The following FAM193A variants were observed in gnomAD, a reference collection of about 807,000 sequenced individuals.
The protein encoded by FAM193A is family with sequence similarity 193 member A.
In FAM193A, 22 loss-of-function variants were observed where a neutral mutation model predicts 126.5. The observed-to-expected ratio is 0.17, with a 90% CI of 0.12 to 0.25. The LOEUF (loss-of-function observed/expected upper bound fraction) is 0.25, where lower values mean the gene tolerates loss of function less well. FAM193A is among the 10% of genes least tolerant of loss of function. The probability of loss-of-function intolerance (pLI) is 1.00; values close to 1 mark genes in which losing one functional copy is unlikely to be tolerated. For missense variants in FAM193A, 1,675 were observed against 1,672.8 expected (o/e 1.00, Z -0.02); for synonymous variants, 761 against 646.8 (o/e 1.18, Z -2.68).
At chr4:2,552,992 C>T (rs370503036) in intron 1 of FAM193A, among the ~76,000 whole-genome samples, 6 of 151,730 alleles carry the variant, frequency 4.0e-5, no homozygotes, top group South Asian at 2.1e-4. Flanking sequence ...GGATTACAGG[C>T]GCCCGCCACC....
intron 20 of FAM193A, among the ~76,000 whole-genome samples, chr4:2,718,626 C>T (rs569298955): frequency 6.6e-6 from 1 of 152,126 alleles, no homozygotes; most frequent in East Asian, 1.9e-4. Flanking sequence ...ACTCAGGAGG[C>T]TGAGGTGGGA....
intron 2 of FAM193A, among the ~76,000 whole-genome samples, chr4:2,610,009 G>A (rs1741769647): frequency 6.6e-6 from 1 of 151,568 alleles, no homozygotes; most frequent in African/African-American, 2.4e-5. Flanking sequence ...AGGCAGATGG[G>A]TCACCTGAGG....
chr4:2,667,335 G>T (rs1348428339), intron 12 of FAM193A, among the ~76,000 whole-genome samples: 4 of 152,156 alleles, frequency 2.6e-5, no homozygotes, highest in Non-Finnish European at 5.9e-5. Context: ...TATGAATTTT[G>T]GAGGGGCACA....
At chr4:2,650,556 TC>T (rs1422119985) in intron 7 of FAM193A, among the ~76,000 whole-genome samples, 1 of 152,108 alleles carries the variant, frequency 6.6e-6, no homozygotes, top group African/African-American at 2.4e-5. Context: ...AGCTCAGGGC[TC>T]TGAAGCCCAG....
At chr4:2,564,438 A>G (rs1471986038) in intron 1 of FAM193A, among the ~76,000 whole-genome samples, 1 of 152,114 alleles carries the variant, frequency 6.6e-6, no homozygotes, top group Non-Finnish European at 1.5e-5. Flanking sequence ...CTGGGCTTCC[A>G]TGAATGACTT....
At chr4:2,602,385 G>A (rs1050954797) in intron 2 of FAM193A, among the ~76,000 whole-genome samples, 3 of 139,004 alleles carry the variant, frequency 2.2e-5, no homozygotes, top group East Asian at 2.1e-4. Flanking sequence ...ACAGAGTTTC[G>A]CTGTTGTCTC....
chr4:2,579,710 A>C (rs904853352), intron 1 of FAM193A, among the ~76,000 whole-genome samples: 2 of 141,458 alleles, frequency 1.4e-5, no homozygotes, highest in African/African-American at 5.4e-5. Context: ...AAAACAAAAC[A>C]AAAAAAAACA....
chr4:2,628,214 A>G (rs1262571367), intron 4 of FAM193A, among the ~76,000 whole-genome samples: 1 of 152,018 alleles, frequency 6.6e-6, no homozygotes. Context: ...TTTGCTGTGC[A>G]GTAGATTCTT....
chr4:2,666,167 TCTA>T (rs1269784703), intron 12 of FAM193A, among the ~76,000 whole-genome samples: 1 of 152,252 alleles, frequency 6.6e-6, no homozygotes, highest in African/African-American at 2.4e-5. Context: ...GAAATTCTAT[TCTA>T]CTCCTAATTT....
intron 1 of FAM193A, among the ~76,000 whole-genome samples, chr4:2,569,101 C>T (rs990034791): frequency 5.3e-5 from 8 of 150,116 alleles, no homozygotes; most frequent in African/African-American, 1.7e-4. Flanking sequence ...TCCTGAGTAA[C>T]TGGGACTACA....
At chr4:2,715,489 T>G (rs932168193) in intron 19 of FAM193A, 1 of 986,426 alleles carries the variant, frequency 1.0e-6, no homozygotes, top group Non-Finnish European at 1.2e-6. Flanking sequence ...CTGGATGTCA[T>G]ATGGGTGAGA....
At chr4:2,680,570 A>C (rs1714989539) in intron 13 of FAM193A, among the ~76,000 whole-genome samples, 1 of 152,066 alleles carries the variant, frequency 6.6e-6, no homozygotes, top group Non-Finnish European at 1.5e-5. Context: ...CTCCTGGGCT[A>C]AAGCAGTCCT....
chr4:2,688,297 C>T (rs564138984), intron 13 of FAM193A, among the ~76,000 whole-genome samples: 2 of 152,040 alleles, frequency 1.3e-5, no homozygotes, highest in Admixed American at 6.6e-5. Flanking sequence ...GGGAAAATGA[C>T]GGATTTTAGT....
rs370439634 is a variant in FAM193A at position 2,691,774 on chromosome 4, TAAA to T, written c.2803+817_2803+819del. On this transcript the variant is annotated intron_variant, in intron 15 of 20. Coordinates refer to ENST00000637812, the MANE Select transcript of FAM193A (RefSeq NM_001366318.2). Reference sequence around the variant, plus strand: ...GGGCAACATAGTGAGACCCCGTCTCTAAAAAAAAAAAAAAAGTTAAAAAAACAG... The same window carrying T: ...GGGCAACATAGTGAGACCCCGTCTCTAAAAAAAAAAAAGTTAAAAAAACAG... Among the ~76,000 whole-genome samples the T allele has an allele frequency of 7.3e-5, 10 of 136,432 alleles. No individual in the cohort carries two copies. The East Asian group carries it at 1.9e-3, about 26-fold the overall frequency. 89.5% of individuals were successfully genotyped at this position (136,432 alleles called of 152,430 possible). A position where few individuals can be genotyped will look rare whatever the true frequency, so the allele number is the denominator to read the frequency against.
At chr4:2,605,585 C>T (rs1741486344) in intron 2 of FAM193A, among the ~76,000 whole-genome samples, 1 of 152,164 alleles carries the variant, frequency 6.6e-6, no homozygotes, top group Non-Finnish European at 1.5e-5. Context: ...GAAGGAATTG[C>T]TGAGCCATAG....
At chr4:2,560,914 A>G (rs1738572821) in intron 1 of FAM193A, among the ~76,000 whole-genome samples, 2 of 152,114 alleles carry the variant, frequency 1.3e-5, no homozygotes, top group African/African-American at 4.8e-5. Context: ...CAGCCTCCCA[A>G]AGTACTGGGA....
chr4:2,598,410 G>A (rs1740994986), intron 2 of FAM193A, among the ~76,000 whole-genome samples: 1 of 152,210 alleles, frequency 6.6e-6, no homozygotes, highest in Admixed American at 6.5e-5. Flanking sequence ...GAAAAAAGCT[G>A]CTATGAACAT....
intron 1 of FAM193A, among the ~76,000 whole-genome samples, chr4:2,561,041 C>T (rs759274598): frequency 3.3e-5 from 5 of 152,230 alleles, no homozygotes; most frequent in Admixed American, 6.5e-5. Flanking sequence ...CATTGTAGTT[C>T]TCCTCCTGAC....
At chr4:2,730,267 C>T (rs559263584) in intron 20 of FAM193A, among the ~76,000 whole-genome samples, 2 of 152,316 alleles carry the variant, frequency 1.3e-5, no homozygotes, top group South Asian at 2.1e-4. Flanking sequence ...AGAATGTTGA[C>T]TATTTGCCTG....
Sources: allele counts gnomAD v4.1 joint callset (sites outside exome capture counted in the v4.1 genomes callset), GRCh38; gene constraint gnomAD v4.1.1; transcripts MANE v1.5; gene names NCBI Gene and HGNC (gene_info 2026-07-23, HGNC 2026-07-21).